The following ALKBH3 variants were observed in gnomAD, a reference collection of about 807,000 sequenced individuals.
The protein encoded by ALKBH3 is alkB homolog 3, alpha-ketoglutarate dependent dioxygenase.
In ALKBH3, 51 loss-of-function variants were observed where a neutral mutation model predicts 43.9. That is an observed-to-expected ratio of 1.16 (90% CI 0.93 to 1.47). The LOEUF is 1.47. Among genes scored for constraint, ALKBH3 ranks in the 40% most tolerant of loss-of-function variants. The pLI is 0.00. For synonymous variants in ALKBH3, 102 were observed against 115.2 expected, an observed-to-expected ratio of 0.89 and a Z score of 0.73; for missense variants, 361 against 351.9, an observed-to-expected ratio of 1.03 and a Z score of -0.21.
rs570437465 is a variant in ALKBH3, at chr11:43,898,736, G to A, written c.460-2780G>A. ...AGACTGGGCCGACTTCTCATCCTGC[G>A]GTCACCCAGGGTATTTCCTGTGCTC... On this transcript the variant is annotated intron_variant, in intron 7 of 9. Coordinates refer to ENST00000302708, the MANE Select transcript of ALKBH3 (RefSeq NM_139178.4). 1.8e-3 allele frequency: 1,310 copies of A among 719,272 alleles called. 5 individuals carry two copies. Among genetic ancestry groups the A allele is most frequent in the Non-Finnish European group, 2.3e-3 (902 of 388,232 alleles). The allele number at this position is 719,272 out of a possible 1,614,324, so 44.6% of individuals were successfully genotyped here. A position where few individuals can be genotyped will look rare whatever the true frequency, so the allele number is the denominator to read the frequency against.
chr11:43,919,917 G>A lies in ALKBH3; in HGVS notation c.769-1G>A. On this transcript the variant is annotated splice_acceptor_variant, in intron 9 of 9. Transcript: ENST00000302708. LOFTEE classifies it high-confidence loss of function. The stretch of plus-strand genomic sequence containing the variant: ...TCAGAGTTATGTGTATTTCCATTTA[G>A]CATCGAGTGCCCAAAGAATACCACT... The A allele has an allele frequency of 6.2e-7, 1 of 1,613,626 alleles. No homozygotes were observed. The highest frequency in any genetic ancestry group is 1.7e-5 in the Admixed American group (1 of 60,022).
chr11:43,898,662 C>A, intron 7 of ALKBH3: 1 of 723,984 alleles, frequency 1.4e-6, no homozygotes, highest in Non-Finnish European at 2.6e-6. Flanking sequence ...GACCTGATGT[C>A]AAAGTGCTGC....
chr11:43,883,192 A>T lies in ALKBH3; in HGVS notation c.183+4A>T, dbSNP rs1565121818. 1.2e-6 allele frequency: 2 copies of T among 1,609,834 alleles called. No homozygotes were observed. Among genetic ancestry groups the T allele is most frequent in the Non-Finnish European group, 1.7e-6 (2 of 1,177,498 alleles). On this transcript the variant is annotated splice_donor_region_variant and intron_variant, in intron 3 of 9. Coordinates refer to ENST00000302708, the MANE Select transcript of ALKBH3 (RefSeq NM_139178.4). ...TGTGTTCAAAGAACCTCAGCAGGTAAATTCATGGTTTTTTCTTCAATAGTG... is the reference window on the plus strand; with the variant it reads ...TGTGTTCAAAGAACCTCAGCAGGTATATTCATGGTTTTTTCTTCAATAGTG...
At chr11:43,905,269 G>C (rs1319677704) in intron 8 of ALKBH3, among the ~76,000 whole-genome samples, 1 of 152,182 alleles carries the variant, frequency 6.6e-6, no homozygotes, top group East Asian at 1.9e-4. Context: ...AGCTGCCCCA[G>C]TTCCACACAC....
rs1053320734 is a variant in ALKBH3, at chr11:43,898,047, T to A, written c.460-3469T>A. On this transcript the variant is annotated intron_variant, in intron 7 of 9. Transcript: ENST00000302708. ...AGAAACAAGCAGCGTCCATGGCTGT[T>A]GTCATCCCAGATGCTGTCCTCAAGG... 35 of 931,676 alleles carry A rather than the reference T, an allele frequency of 3.8e-5. No individual in the cohort carries two copies. In the Middle Eastern group the frequency reaches 6.4e-4, roughly 17 times the overall value. The allele number at this position is 931,676 out of a possible 1,614,324, so 57.7% of individuals were successfully genotyped here.
rs34440816 is a variant in ALKBH3, at chr11:43,889,918, A to T, written c.370+90A>T. 1.8e-3 allele frequency: 2,000 copies of T among 1,099,078 alleles called. 26 individuals are homozygous for T. In the African/African-American group the frequency reaches 0.028, roughly 15 times the overall value. The allele number at this position is 1,099,078 out of a possible 1,614,324, so 68.1% of individuals were successfully genotyped here. A position where few individuals can be genotyped will look rare whatever the true frequency, so the allele number is the denominator to read the frequency against. On this transcript the variant is annotated intron_variant, in intron 6 of 9. Coordinates refer to ENST00000302708, the MANE Select transcript of ALKBH3 (RefSeq NM_139178.4). ...ACCATCACTTCTGCTCACCAAAGCT[A>T]GTCTTAAACAGAAATTCAAAACCTG... is the stretch of plus-strand genomic sequence containing the variant.
chr11:43,912,467 C>A (rs1951947538), intron 8 of ALKBH3: 1 of 152,204 alleles, frequency 6.6e-6, no homozygotes, highest in African/African-American at 2.4e-5. Context: ...TACTGTGTGC[C>A]AGGTGCTTCC....
At chr11:43,883,295 C>A in intron 3 of ALKBH3, 107 bp downstream of exon 3, 2 of 745,514 alleles carry the variant, frequency 2.7e-6, no homozygotes, top group South Asian at 1.8e-5. Context: ...TCACTAATAG[C>A]AGAGCAGAAG....
chr11:43,883,832 A>G lies in ALKBH3; in HGVS notation c.184-151A>G, dbSNP rs1012161273. The G allele has an allele frequency of 1.3e-5, 10 of 744,036 alleles. No homozygotes were observed. In the East Asian group the frequency reaches 2.0e-4, roughly 15 times the overall value. 46.1% of individuals were successfully genotyped at this position (744,036 alleles called of 1,614,324 possible). A position where few individuals can be genotyped will look rare whatever the true frequency, so the allele number is the denominator to read the frequency against. On this transcript the variant is annotated intron_variant, in intron 3 of 9. Transcript: ENST00000302708. ...TGTGAAGTAGTTTTAAGAAGAGTGG[A>G]GACAAGGGTCTCTAGTGGGTTAGTG...
At chr11:43,915,218 A>G (rs1313540940) in intron 8 of ALKBH3, among the ~76,000 whole-genome samples, 1 of 151,616 alleles carries the variant, frequency 6.6e-6, no homozygotes, top group African/African-American at 2.4e-5. Flanking sequence ...AAAAAAAGAA[A>G]AAAAAAAAAA....
intron 7 of ALKBH3, among the ~76,000 whole-genome samples, chr11:43,892,640 A>G (rs1009549950): frequency 4.6e-5 from 7 of 152,216 alleles, no homozygotes; most frequent in Non-Finnish European, 1.0e-4. Context: ...AAAAATTTCC[A>G]TGAAAGTAGA....
In ALKBH3 at chr11:43,901,714, A is replaced by G; in HGVS notation, c.658A>G (p.Lys220Glu). 6.2e-7 allele frequency: 1 copy of G among 1,614,230 alleles called. No homozygotes were observed. The highest frequency in any genetic ancestry group is 8.5e-7 in the Non-Finnish European group (1 of 1,180,030). ...CACACGCACATTTGAGATGAGAAAGAAGCCACCACCAGTGAGTATTCTCTT... is the reference window on the plus strand; with the variant it reads ...CACACGCACATTTGAGATGAGAAAGGAGCCACCACCAGTGAGTATTCTCTT... ...GATRTFEMRKKPPPEENGDYT... is the reference protein window; with the variant it reads ...GATRTFEMRKEPPPEENGDYT... Residue 220 changes from lysine (K) to glutamate (E), a missense_variant, in exon 8 of 10, where the codon AAG becomes GAG. Transcript: ENST00000302708.
intron 8 of ALKBH3, among the ~76,000 whole-genome samples, chr11:43,918,153 C>T (rs1206158298): frequency 1.3e-5 from 2 of 152,234 alleles, no homozygotes. Context: ...AAGCTCAGAT[C>T]TGTCCCAGTC....
intron 8 of ALKBH3, among the ~76,000 whole-genome samples, chr11:43,915,299 G>A (rs1196318837): frequency 2.0e-5 from 3 of 151,408 alleles, no homozygotes; most frequent in African/African-American, 4.8e-5. Context: ...ATTGTTTTTC[G>A]TTACTGTCAG....
Position 43,888,537 on chromosome 11 carries a change from A to G in ALKBH3, c.267-1188A>G, listed in dbSNP as rs114149828. Among the ~76,000 whole-genome samples, 1,010 of 152,392 alleles carry G rather than the reference A, an allele frequency of 6.6e-3. 8 individuals are homozygous for G. The highest frequency in any genetic ancestry group is 0.024 in the African/African-American group (989 of 41,598). The stretch of plus-strand genomic sequence containing the variant: ...TGAGTATACTAATTGTCACTATAAA[A>G]TAATGAGACATTTAAAACAAATAGA... On this transcript the variant is annotated intron_variant, in intron 5 of 9. Coordinates refer to ENST00000302708, the MANE Select transcript of ALKBH3 (RefSeq NM_139178.4).
chr11:43,883,305 G>T lies in ALKBH3; in HGVS notation c.183+117G>T, dbSNP rs117195478. ...TAAATTCACTAATAGCAGAGCAGAA[G>T]AACTATAATAATAATGAAATGAGAA... On this transcript the variant is annotated intron_variant, in intron 3 of 9. Transcript: ENST00000302708. 3.3e-3 allele frequency: 2,297 copies of T among 687,790 alleles called. 8 individuals carry two copies. Among genetic ancestry groups the T allele is most frequent in the Non-Finnish European group, 4.8e-3 (1,992 of 415,544 alleles). 42.6% of individuals were successfully genotyped at this position (687,790 alleles called of 1,614,324 possible).
At position 43,898,938 on chromosome 11, in the gene ALKBH3, C is replaced by G; in HGVS notation, c.460-2578C>G. 6.7e-6 allele frequency: 5 copies of G among 746,858 alleles called. No individual in the cohort carries two copies. The Middle Eastern group carries it at 9.5e-4, about 141-fold the overall frequency. 46.3% of individuals were successfully genotyped at this position (746,858 alleles called of 1,614,324 possible). On this transcript the variant is annotated intron_variant, in intron 7 of 9. Coordinates refer to ENST00000302708, the MANE Select transcript of ALKBH3 (RefSeq NM_139178.4). ...AGAGGGTGGACTGGTCCCCAAATCTCTCTACTGGACCATGGAGGAGCTGGA... is the reference window on the plus strand; with the variant it reads ...AGAGGGTGGACTGGTCCCCAAATCTGTCTACTGGACCATGGAGGAGCTGGA...
intron 7 of ALKBH3, chr11:43,898,504 G>A: frequency 5.3e-6 from 5 of 942,830 alleles, no homozygotes; most frequent in Non-Finnish European, 6.9e-6. Context: ...GAGAGCACTC[G>A]GGGAGGAAGC....
chr11:43,893,362 G>A (rs1357076418), intron 7 of ALKBH3, among the ~76,000 whole-genome samples: 1 of 152,126 alleles, frequency 6.6e-6, no homozygotes, highest in Non-Finnish European at 1.5e-5. Context: ...CATCTGGGGG[G>A]GCAAAATTGC....
Sources: gnomAD v4.1 joint callset for allele counts (sites outside exome capture counted in the v4.1 genomes callset) on GRCh38, gnomAD v4.1.1 for gene constraint, MANE v1.5 for transcripts, NCBI Gene and HGNC (gene_info 2026-07-23, HGNC 2026-07-21) for gene names.